Variants in CFAP299 observed in about 807,000 individuals in gnomAD.
The protein encoded by CFAP299 is cilia and flagella associated protein 299, also known as cilia- and flagella-associated protein 299.
Under a neutral mutation model 27.0 loss-of-function variants are expected in CFAP299, and 21 were observed. The observed-to-expected ratio is 0.78, with a 90% CI of 0.55 to 1.12. CFAP299 has a LOEUF of 1.12. Among genes scored for constraint, CFAP299 ranks in the 50% most tolerant of loss-of-function variants. The pLI is 0.00. For missense variants in CFAP299, 310 were observed against 276.6 expected (o/e 1.12, Z -0.86); for synonymous variants, 104 against 98.1 (o/e 1.06, Z -0.36).
intron 2 of CFAP299, among the ~76,000 whole-genome samples, chr4:80,576,940 A>T (rs1224845999): frequency 6.6e-6 from 1 of 152,174 alleles, no homozygotes; most frequent in Admixed American, 6.5e-5. Context: ...ATAATAGCTG[A>T]TTAGCTTTCC....
chr4:80,630,078 G>C (rs1267594632), intron 3 of CFAP299, among the ~76,000 whole-genome samples: 2 of 151,940 alleles, frequency 1.3e-5, no homozygotes, highest in South Asian at 4.1e-4. Context: ...CCAGAATGCA[G>C]CAAAGAAAGG....
chr4:80,392,778 A>AT (rs1725558117), intron 2 of CFAP299, among the ~76,000 whole-genome samples: 1 of 152,182 alleles, frequency 6.6e-6, no homozygotes, highest in South Asian at 2.1e-4. Flanking sequence ...TGAAAAAAAA[A>AT]GTGTAGCATA....
chr4:80,553,218 C>T (rs1042238436), intron 2 of CFAP299, among the ~76,000 whole-genome samples: 12 of 152,090 alleles, frequency 7.9e-5, no homozygotes, highest in East Asian at 7.7e-4. Context: ...AGTTCTCATA[C>T]GCACTAATAA....
At chr4:80,514,692 C>T (rs1305161646) in intron 2 of CFAP299, among the ~76,000 whole-genome samples, 1 of 151,946 alleles carries the variant, frequency 6.6e-6, no homozygotes, top group African/African-American at 2.4e-5. Flanking sequence ...TGCTGTTCTC[C>T]CTCTTTTCTC....
At chr4:80,906,815 A>C (rs539929212) in intron 4 of CFAP299, among the ~76,000 whole-genome samples, 189 of 152,280 alleles carry the variant, frequency 1.2e-3, no homozygotes, top group Non-Finnish European at 2.3e-3. Context: ...CTTATCCACA[A>C]GGCCATTTTT....
At chr4:80,506,454 T>C (rs1013129615) in intron 2 of CFAP299, among the ~76,000 whole-genome samples, 2 of 152,150 alleles carry the variant, frequency 1.3e-5, no homozygotes, top group African/African-American at 2.4e-5. Context: ...AAGTCTGTGG[T>C]TTATTATTTC....
At chr4:80,722,106 A>G (rs1722851534) in intron 3 of CFAP299, among the ~76,000 whole-genome samples, 1 of 152,168 alleles carries the variant, frequency 6.6e-6, no homozygotes, top group South Asian at 2.1e-4. Flanking sequence ...TTAAAGCAAA[A>G]ATAATTTTAC....
At chr4:80,643,212 A>C (rs1454228653) in intron 3 of CFAP299, among the ~76,000 whole-genome samples, 3 of 152,134 alleles carry the variant, frequency 2.0e-5, no homozygotes, top group Non-Finnish European at 2.9e-5. Flanking sequence ...CTGCTGGTAG[A>C]TTAAGAGGAA....
chr4:80,902,014 G>A (rs1734925024), intron 4 of CFAP299, among the ~76,000 whole-genome samples: 1 of 151,810 alleles, frequency 6.6e-6, no homozygotes, highest in Non-Finnish European at 1.5e-5. Flanking sequence ...ATATTTATAT[G>A]GCATTGTGAA....
intron 3 of CFAP299, among the ~76,000 whole-genome samples, chr4:80,770,451 G>T (rs72866737): frequency 0.017 from 2,577 of 152,048 alleles, 74 homozygotes; most frequent in African/African-American, 0.058. Context: ...CTACATAACT[G>T]CAGGAAAAAA....
chr4:80,552,495 G>T (rs547950388), intron 2 of CFAP299, among the ~76,000 whole-genome samples: 3 of 152,222 alleles, frequency 2.0e-5, no homozygotes, highest in African/African-American at 7.2e-5. Context: ...TTGGAAATGA[G>T]TGGTTTATTT....
At chr4:80,395,510 G>A (rs958194040) in intron 2 of CFAP299, among the ~76,000 whole-genome samples, 10 of 152,058 alleles carry the variant, frequency 6.6e-5, no homozygotes, top group African/African-American at 2.2e-4. Context: ...TTCACCAATG[G>A]ATGTGATGTA....
intron 3 of CFAP299, among the ~76,000 whole-genome samples, chr4:80,831,786 T>C (rs948606332): frequency 1.3e-5 from 2 of 152,158 alleles, no homozygotes; most frequent in African/African-American, 2.4e-5. Context: ...GACATACCAT[T>C]TTAGCATCTA....
chr4:80,473,831 A>T (rs1232542550), intron 2 of CFAP299, among the ~76,000 whole-genome samples: 1 of 152,174 alleles, frequency 6.6e-6, no homozygotes, highest in South Asian at 2.1e-4. Context: ...GGCTGAAGCA[A>T]TCCTCCCACC....
chr4:80,567,731 T>TTATATATATA (rs10605376), intron 2 of CFAP299, among the ~76,000 whole-genome samples: 70 of 148,832 alleles, frequency 4.7e-4, no homozygotes, highest in South Asian at 2.1e-3. Context: ...TCTAATGTAT[T>TTATATATATA]TATATATATA....
intron 4 of CFAP299, among the ~76,000 whole-genome samples, chr4:80,937,645 G>A (rs1736980830): frequency 6.6e-6 from 1 of 151,816 alleles, no homozygotes; most frequent in African/African-American, 2.4e-5. Context: ...TCTCTTGCAG[G>A]CAGCATATAG....
chr4:80,569,382 A>G (rs1002500182), intron 2 of CFAP299, among the ~76,000 whole-genome samples: 2 of 152,124 alleles, frequency 1.3e-5, no homozygotes, highest in African/African-American at 2.4e-5. Flanking sequence ...TAAATATGCT[A>G]TAATGTAAAG....
At chr4:80,937,717 T>G (rs1186073748) in intron 4 of CFAP299, among the ~76,000 whole-genome samples, 1 of 152,200 alleles carries the variant, frequency 6.6e-6, no homozygotes, top group Non-Finnish European at 1.5e-5. Flanking sequence ...AAATTTTAAT[T>G]CATTTAAATT....
intron 3 of CFAP299, among the ~76,000 whole-genome samples, chr4:80,721,263 G>A (rs11737145): frequency 0.21 from 32,292 of 152,128 alleles, 5,641 homozygotes; most frequent in African/African-American, 0.48. Flanking sequence ...CACAAAGAAA[G>A]TTACATCAAG....
Sources: allele counts gnomAD v4.1 joint callset (sites outside exome capture counted in the v4.1 genomes callset), GRCh38; gene constraint gnomAD v4.1.1; transcripts MANE v1.5; gene names NCBI Gene and HGNC (gene_info 2026-07-23, HGNC 2026-07-21).